FKTN: variants seen among roughly 807,000 people sequenced by gnomAD.
FKTN encodes the protein fukutin, also known as ribitol-5-phosphate transferase FKTN.
In FKTN, 47 loss-of-function variants were observed where a neutral mutation model predicts 58.6. The observed-to-expected ratio is 0.80, with a 90% confidence interval of 0.63 to 1.02. The LOEUF (loss-of-function observed/expected upper bound fraction) is 1.02. Among genes scored for constraint, FKTN ranks in the 50% least tolerant of loss-of-function variants. The pLI is 0.00. For synonymous variants in FKTN, 178 were observed against 191.9 expected (o/e 0.93, Z 0.60); for missense variants, 516 against 537.3 (o/e 0.96, Z 0.39).
intron 10 of FKTN, among the ~76,000 whole-genome samples, chr9:105,628,604 G>T (rs1043155324): frequency 6.6e-6 from 1 of 152,114 alleles, no homozygotes; most frequent in Non-Finnish European, 1.5e-5. Context: ...TTCAGTAAAA[G>T]ACTTGTACAC....
chr9:105,575,113 C>T lies in FKTN; in HGVS notation c.81C>T (p.Tyr27=). ...CATTTCTGCTGTTTCAGTTGTACTACTACAAGCACTATTTATCAACAAAGG... is the reference window on the plus strand; with the variant it reads ...CATTTCTGCTGTTTCAGTTGTACTATTACAAGCACTATTTATCAACAAAGG... ...SSAFLLFQLY[Y]YKHYLSTKNG... The change falls in exon 3 of 11, where the codon TAC becomes TAT. Residue 27 remains tyrosine, a synonymous_variant. Transcript: ENST00000357998. 1.3e-6 allele frequency: 2 copies of T among 1,598,192 alleles called. No individual in the cohort carries two copies. The highest frequency in any genetic ancestry group is 1.7e-6 in the Non-Finnish European group (2 of 1,165,654).
At chr9:105,606,807 T>C (rs1828980636) in intron 6 of FKTN, among the ~76,000 whole-genome samples, 1 of 151,690 alleles carries the variant, frequency 6.6e-6, no homozygotes, top group African/African-American at 2.4e-5. Flanking sequence ...TGAAGTCTTC[T>C]ATATTTTTTG....
chr9:105,611,547 G>A (rs1474353265), intron 7 of FKTN, among the ~76,000 whole-genome samples: 2 of 151,946 alleles, frequency 1.3e-5, no homozygotes, highest in Non-Finnish European at 2.9e-5. Flanking sequence ...TCCCCTCTAT[G>A]CGTCCATGTG....
intron 3 of FKTN, among the ~76,000 whole-genome samples, chr9:105,594,773 T>C (rs1264539211): frequency 1.3e-5 from 2 of 152,146 alleles, no homozygotes; most frequent in East Asian, 1.9e-4. Context: ...TAAAGTGATA[T>C]CAGTCAGCAG....
chr9:105,564,094 T>G (rs1364382764), intron 1 of FKTN, among the ~76,000 whole-genome samples: 4 of 152,228 alleles, frequency 2.6e-5, no homozygotes, highest in African/African-American at 7.2e-5. Flanking sequence ...GGGTCCTGAC[T>G]GTTAGAAGGA....
rs138699297 is a variant in FKTN at position 105,564,436 on chromosome 9, T to C, written c.-181+6271T>C. ...ACGAATGGCTAACTAGAATAACCAATGCAGAGAAGTCCTTAAAGGACCTGA... is the reference window on the plus strand; with the variant it reads ...ACGAATGGCTAACTAGAATAACCAACGCAGAGAAGTCCTTAAAGGACCTGA... On this transcript the variant is annotated intron_variant, in intron 1 of 10. Coordinates refer to ENST00000357998, the MANE Select transcript of FKTN (RefSeq NM_001079802.2). 5.6e-3 allele frequency among the ~76,000 whole-genome samples: 850 copies of C among 152,174 alleles called. 10 individuals carry two copies. The highest frequency in any genetic ancestry group is 0.02 in the African/African-American group (824 of 41,510).
intron 1 of FKTN, among the ~76,000 whole-genome samples, chr9:105,563,791 T>A (rs954558102): frequency 6.6e-6 from 1 of 152,156 alleles, no homozygotes; most frequent in East Asian, 1.9e-4. Context: ...GTCTGACAGC[T>A]TGGAAGAGAG....
At chr9:105,579,439 G>A (rs1418647156) in intron 3 of FKTN, among the ~76,000 whole-genome samples, 3 of 151,886 alleles carry the variant, frequency 2.0e-5, no homozygotes, top group Non-Finnish European at 2.9e-5. Context: ...TAGTCATTCA[G>A]GAGCAGGTTG....
At chr9:105,575,161 T>C in intron 3 of FKTN, 24 bp downstream of exon 3, 1 of 1,194,460 alleles carries the variant, frequency 8.4e-7, no homozygotes, top group East Asian at 2.3e-5. Flanking sequence ...TTCTTTCTTA[T>C]CATTCCTCCT....
chr9:105,577,629 T>C (rs1018153419), intron 3 of FKTN, among the ~76,000 whole-genome samples: 1 of 150,096 alleles, frequency 6.7e-6, no homozygotes, highest in African/African-American at 2.5e-5. Flanking sequence ...TTCTTTTGGC[T>C]TAGGATTGAC....
chr9:105,617,697 G>T (rs994594034), intron 8 of FKTN, among the ~76,000 whole-genome samples: 42 of 151,990 alleles, frequency 2.8e-4, no homozygotes, highest in African/African-American at 1.0e-3. Flanking sequence ...TTAGTTTGAG[G>T]TTTAATTTTT....
chr9:105,579,497 G>A (rs1343257127), intron 3 of FKTN, among the ~76,000 whole-genome samples: 1 of 151,622 alleles, frequency 6.6e-6, no homozygotes, highest in Non-Finnish European at 1.5e-5. Flanking sequence ...TCTTAATCCT[G>A]AGTTCTAGTT....
intron 1 of FKTN, among the ~76,000 whole-genome samples, chr9:105,563,939 C>T (rs1489735410): frequency 2.0e-5 from 3 of 152,184 alleles, no homozygotes; most frequent in Non-Finnish European, 2.9e-5. Flanking sequence ...AGCCGGGTAC[C>T]CCTCTGAGAC....
intron 6 of FKTN, among the ~76,000 whole-genome samples, chr9:105,607,097 T>C (rs1242977605): frequency 6.6e-6 from 1 of 152,090 alleles, no homozygotes; most frequent in East Asian, 1.9e-4. Context: ...AATTGTGAGT[T>C]ACTTATTAAA....
At chr9:105,562,153 A>G (rs1838411759) in intron 1 of FKTN, among the ~76,000 whole-genome samples, 1 of 152,232 alleles carries the variant, frequency 6.6e-6, no homozygotes, top group Non-Finnish European at 1.5e-5. Flanking sequence ...CACAAACGAA[A>G]CCAGTTCACT....
At chr9:105,634,402 G>C (rs765026215) in intron 10 of FKTN, among the ~76,000 whole-genome samples, 1 of 152,150 alleles carries the variant, frequency 6.6e-6, no homozygotes, top group Non-Finnish European at 1.5e-5. Context: ...CCAAAGAGCT[G>C]GGATTACAGG....
chr9:105,640,055 T>C lies in FKTN; in HGVS notation c.*4791T>C, dbSNP rs1303750997. ...GTTAATAAAGGAGAATTGAAAATAC[T>C]CATTTCTACTTTCTGCCCTCAAATT... On this transcript the variant is annotated 3_prime_UTR_variant, in exon 11 of 11. Coordinates refer to ENST00000357998, the MANE Select transcript of FKTN (RefSeq NM_001079802.2). 6.5e-7 allele frequency: 1 copy of C among 1,534,088 alleles called. No individual in the cohort carries two copies. Among genetic ancestry groups the C allele is most frequent in the African/African-American group, 1.4e-5 (1 of 73,140 alleles).
At chr9:105,579,088 C>G (rs528301493) in intron 3 of FKTN, among the ~76,000 whole-genome samples, 23 of 151,724 alleles carry the variant, frequency 1.5e-4, no homozygotes, top group African/African-American at 5.3e-4. Flanking sequence ...AGTGGTCTAT[C>G]AATTTTGTTG....
Position 105,639,866 on chromosome 9 carries a change from C to T in FKTN, c.*4602C>T. On this transcript the variant is annotated 3_prime_UTR_variant, in exon 11 of 11. Transcript: ENST00000357998. ...TTACTGTACTTCACTAGATTTGGTA[C>T]CTGCTCTCCCCTGGACTTCTTTTTC... 7.4e-7 allele frequency: 1 copy of T among 1,350,652 alleles called. No individual in the cohort carries two copies. Among genetic ancestry groups the T allele is most frequent in the Non-Finnish European group, 9.5e-7 (1 of 1,053,974 alleles). 83.7% of individuals were successfully genotyped at this position (1,350,652 alleles called of 1,614,324 possible).
Sources: allele counts gnomAD v4.1 joint callset (sites outside exome capture counted in the v4.1 genomes callset), GRCh38; gene constraint gnomAD v4.1.1; transcripts MANE v1.5; gene names NCBI Gene and HGNC (gene_info 2026-07-23, HGNC 2026-07-21).